The following CCDC91 variants were observed in gnomAD, a reference collection of about 807,000 sequenced individuals.
The protein encoded by CCDC91 is coiled-coil domain containing 91, also known as coiled-coil domain-containing protein 91.
A neutral mutation model predicts 63.2 loss-of-function variants in CCDC91; 48 were observed. The observed-to-expected ratio is 0.76, with a 90% CI of 0.60 to 0.97. The LOEUF is 0.97. Among genes scored for constraint, CCDC91 ranks in the 50% least tolerant of loss-of-function variants. The probability of loss-of-function intolerance (pLI) is 0.00; values close to 1 mark genes in which losing one functional copy is unlikely to be tolerated. For synonymous variants in CCDC91, 167 were observed against 165.8 expected (o/e 1.01, Z -0.06); for missense variants, 500 against 494.6 (o/e 1.01, Z -0.10).
intron 6 of CCDC91, among the ~76,000 whole-genome samples, chr12:28,330,208 T>C (rs1219028270): frequency 2.0e-5 from 3 of 152,144 alleles, no homozygotes. Context: ...TCCACAATGG[T>C]TGAATTAGTT....
chr12:28,336,218 T>C (rs1941971046), intron 6 of CCDC91, among the ~76,000 whole-genome samples: 2 of 152,138 alleles, frequency 1.3e-5, no homozygotes, highest in African/African-American at 4.8e-5. Flanking sequence ...GGTTGGAATA[T>C]TTTATGCTTG....
At chr12:28,481,468 G>T (rs540992112) in intron 11 of CCDC91, among the ~76,000 whole-genome samples, 2 of 152,010 alleles carry the variant, frequency 1.3e-5, no homozygotes, top group African/African-American at 4.8e-5. Context: ...CTTATTGGTG[G>T]CAACTCTTCA....
rs188249139 is a variant in CCDC91 at position 28,252,242 on chromosome 12, G to T, written c.-14-4960G>T. On this transcript the variant is annotated intron_variant, in intron 1 of 12. Transcript: ENST00000536442. Reference sequence around the variant, plus strand: ...CCCTTTGTCTCTACTGTGCCTTGCTGTGGGTTTTTTTTCTTCTTTTTTTCT... The same window carrying T: ...CCCTTTGTCTCTACTGTGCCTTGCTTTGGGTTTTTTTTCTTCTTTTTTTCT... 5.1e-3 allele frequency among the ~76,000 whole-genome samples: 772 copies of T among 152,116 alleles called. 4 individuals are homozygous for T. Among genetic ancestry groups the T allele is most frequent in the Non-Finnish European group, 8.7e-3 (590 of 67,950 alleles).
intron 1 of CCDC91, among the ~76,000 whole-genome samples, chr12:28,197,339 A>G (rs1270012146): frequency 6.6e-6 from 1 of 152,136 alleles, no homozygotes; most frequent in Non-Finnish European, 1.5e-5. Flanking sequence ...TTCTGCCTAT[A>G]CTATTTTGTT....
chr12:28,481,428 A>G (rs565578400), intron 11 of CCDC91, among the ~76,000 whole-genome samples: 53 of 152,066 alleles, frequency 3.5e-4, no homozygotes, highest in Middle Eastern at 3.4e-3. Context: ...ATTTTGGAAA[A>G]TACTTTTCAG....
chr12:28,319,701 A>G (rs1940277951), intron 6 of CCDC91, among the ~76,000 whole-genome samples: 1 of 151,744 alleles, frequency 6.6e-6, no homozygotes, highest in African/African-American at 2.4e-5. Flanking sequence ...ATAATACAAT[A>G]TAATAATAAG....
intron 3 of CCDC91, among the ~76,000 whole-genome samples, chr12:28,302,055 T>G (rs1938131530): frequency 6.6e-6 from 1 of 151,936 alleles, no homozygotes; most frequent in Non-Finnish European, 1.5e-5. Context: ...ATTTTCCTTA[T>G]TCTACTTTTT....
intron 7 of CCDC91, among the ~76,000 whole-genome samples, chr12:28,372,665 G>A (rs1944694751): frequency 6.6e-6 from 1 of 151,796 alleles, no homozygotes; most frequent in South Asian, 2.1e-4. Context: ...CTACTGATGT[G>A]TGTACATTGA....
At chr12:28,528,944 A>G (rs1348893304) in intron 12 of CCDC91, among the ~76,000 whole-genome samples, 1 of 152,142 alleles carries the variant, frequency 6.6e-6, no homozygotes, top group East Asian at 1.9e-4. Flanking sequence ...ATTTGTTGAT[A>G]TGGTTGCAAA....
chr12:28,404,556 T>C (rs1368622700), intron 8 of CCDC91, among the ~76,000 whole-genome samples: 1 of 152,130 alleles, frequency 6.6e-6, no homozygotes, highest in Non-Finnish European at 1.5e-5. Context: ...TCTGATTTTT[T>C]GCCTGCTAGA....
chr12:28,492,180 TCTTAAA>T (rs1952049642), intron 12 of CCDC91, among the ~76,000 whole-genome samples: 1 of 151,738 alleles, frequency 6.6e-6, no homozygotes, highest in South Asian at 2.1e-4. Context: ...CACTATCCCA[TCTTAAA>T]CTGCATATGG....
chr12:28,279,653 A>G lies in CCDC91; in HGVS notation c.109+20211A>G, dbSNP rs1470853790. Among the ~76,000 whole-genome samples, 4 of 152,086 alleles carry G rather than the reference A, an allele frequency of 2.6e-5. No homozygotes were observed. In the East Asian group the frequency reaches 7.7e-4, roughly 29 times the overall value. ...CCAGCTCTTTCAATTATGATTTTGT[A>G]ATTAGAAATTTCCCTATATTAAATC... On this transcript the variant is annotated intron_variant, in intron 3 of 12. Transcript: ENST00000536442.
chr12:28,198,147 G>C (rs1941926722), intron 1 of CCDC91, among the ~76,000 whole-genome samples: 1 of 152,242 alleles, frequency 6.6e-6, no homozygotes, highest in Admixed American at 6.5e-5. Flanking sequence ...TTCAGAGAAG[G>C]TTGGCTTTTC....
At position 28,305,697 on chromosome 12, in the gene CCDC91, G is replaced by A. The variant is rs368981349; in HGVS notation, c.158G>A (p.Arg53His). ...TCTTCTCCTGAGATTGTACTGGACCGTGACCACTCTTCTTCCATTGGCTGC... is the reference window on the plus strand; with the variant it reads ...TCTTCTCCTGAGATTGTACTGGACCATGACCACTCTTCTTCCATTGGCTGC... ...SPSSPEIVLD[R>H]DHSSSIGCLS... The change falls in exon 4 of 13, where the codon CGT (arginine) becomes CAT (histidine). Residue 53 changes from arginine (R) to histidine (H), a missense_variant. Coordinates refer to ENST00000536442, the MANE Select transcript of CCDC91 (RefSeq NM_018318.5). 47 of 1,612,980 alleles carry A rather than the reference G, an allele frequency of 2.9e-5. No individual in the cohort carries two copies. Among genetic ancestry groups the A allele is most frequent in the South Asian group, 1.1e-4 (10 of 91,052 alleles).
intron 6 of CCDC91, among the ~76,000 whole-genome samples, chr12:28,358,918 C>A (rs1334940915): frequency 2.0e-5 from 3 of 152,062 alleles, no homozygotes; most frequent in African/African-American, 7.2e-5. Flanking sequence ...CTTTTTGAGA[C>A]AGAGTCTTGC....
Position 28,549,329 on chromosome 12 carries a change from A to G in CCDC91, c.*156A>G, listed in dbSNP as rs758837892. ...ACCAAAACAATATTTAGAACTATCAAGTGATCTAATTTATTTTCTTTTGGT... is the reference window on the plus strand; with the variant it reads ...ACCAAAACAATATTTAGAACTATCAGGTGATCTAATTTATTTTCTTTTGGT... On this transcript the variant is annotated 3_prime_UTR_variant, in exon 13 of 13. Transcript: ENST00000536442. 6 of 487,042 alleles carry G rather than the reference A, an allele frequency of 1.2e-5. No individual in the cohort carries two copies. The highest frequency in any genetic ancestry group is 2.0e-5 in the African/African-American group (1 of 50,022). The allele number at this position is 487,042 out of a possible 1,614,324, so 30.2% of individuals were successfully genotyped here. A position where few individuals can be genotyped will look rare whatever the true frequency, so the allele number is the denominator to read the frequency against.
chr12:28,431,689 G>GTA (rs1248078112), intron 8 of CCDC91, among the ~76,000 whole-genome samples: 5 of 151,810 alleles, frequency 3.3e-5, no homozygotes, highest in Admixed American at 1.3e-4. Context: ...TGACCTCTCT[G>GTA]CCATTGTGAA....
chr12:28,479,677 A>T (rs1439647923), intron 11 of CCDC91, among the ~76,000 whole-genome samples: 1 of 152,064 alleles, frequency 6.6e-6, no homozygotes, highest in African/African-American at 2.4e-5. Context: ...AAACACAGAT[A>T]CAAATTTCTG....
chr12:28,513,651 A>G (rs1939620100), intron 12 of CCDC91, among the ~76,000 whole-genome samples: 1 of 151,876 alleles, frequency 6.6e-6, no homozygotes, highest in African/African-American at 2.4e-5. Context: ...AAAGTAAGAA[A>G]AGCAGATAAA....
Sources: gnomAD v4.1 joint callset for allele counts (sites outside exome capture counted in the v4.1 genomes callset) on GRCh38, gnomAD v4.1.1 for gene constraint, MANE v1.5 for transcripts, NCBI Gene and HGNC (gene_info 2026-07-23, HGNC 2026-07-21) for gene names.